Variants in GOLM1 observed in about 807,000 individuals in gnomAD.
The protein encoded by GOLM1 is epididymis luminal protein 46.
In GOLM1, 31 loss-of-function variants were observed where a neutral mutation model predicts 50.5. That is an observed-to-expected ratio of 0.61 (90% CI 0.46 to 0.83). GOLM1 has a LOEUF of 0.83. Among genes scored for constraint, GOLM1 ranks in the 40% least tolerant of loss-of-function variants. The pLI, the probability that GOLM1 is intolerant of heterozygous loss-of-function variation, is 0.00. For missense variants in GOLM1, 491 were observed against 501.3 expected (o/e 0.98, Z 0.20); for synonymous variants, 178 against 192.8 (o/e 0.92, Z 0.64).
At chr9:86,034,628 C>A (rs981617680) in intron 8 of GOLM1, among the ~76,000 whole-genome samples, 1 of 152,198 alleles carries the variant, frequency 6.6e-6, no homozygotes, top group Non-Finnish European at 1.5e-5. Flanking sequence ...TTAACTGGAA[C>A]TTGGAAGGAC....
rs375381791 is a variant in GOLM1, at chr9:86,056,504, ATTT to A, written c.310-3916_310-3914del. Among the ~76,000 whole-genome samples, 1,252 of 138,826 alleles carry A rather than the reference ATTT, an allele frequency of 9.0e-3. 21 individuals are homozygous for A. Among genetic ancestry groups the A allele is most frequent in the African/African-American group, 0.029 (1,106 of 37,646 alleles). The allele number at this position is 138,826 out of a possible 152,430, so 91.1% of individuals were successfully genotyped here. A position where few individuals can be genotyped will look rare whatever the true frequency, so the allele number is the denominator to read the frequency against. ...TGATTTTTATTTATTTTTTATTTAA[ATTT>A]TTTTTTTTTTTTTTTTTGAGACGAA... On this transcript the variant is annotated intron_variant, in intron 3 of 9. Transcript: ENST00000388712.
rs1184937091 is a variant in GOLM1 at position 86,042,958 on chromosome 9, C to G, written c.468-2090G>C. Among the ~76,000 whole-genome samples the G allele has an allele frequency of 3.3e-5, 5 of 152,178 alleles. No individual in the cohort carries two copies. The East Asian group carries it at 9.6e-4, about 29-fold the overall frequency. On this transcript the variant is annotated intron_variant, in intron 5 of 9. Transcript: ENST00000388712. The stretch of plus-strand genomic sequence containing the variant: ...CATGTAAGTGGCAAATATTCCAGCA[C>G]TAACTGGAGCTAAATTGGAGAGGAA...
At chr9:86,077,326 C>T (rs1317482102) in intron 3 of GOLM1, 86 bp downstream of exon 3, 2 of 1,084,590 alleles carry the variant, frequency 1.8e-6, no homozygotes, top group Admixed American at 3.6e-5. Flanking sequence ...AACCCAGCCG[C>T]TTGCTCATCC....
At chr9:86,042,758 C>A (rs1833400969) in intron 5 of GOLM1, among the ~76,000 whole-genome samples, 1 of 152,140 alleles carries the variant, frequency 6.6e-6, no homozygotes, top group African/African-American at 2.4e-5. Flanking sequence ...TGCTCCCAGC[C>A]CTGCTAAAAT....
upstream of GOLM1, chr9:86,099,670 TCCCGGCCCCACGGTGCGCGCGC>T (rs1046131739): frequency 6.6e-6 from 1 of 150,742 alleles, no homozygotes; most frequent in Non-Finnish European, 1.5e-5. Context: ...CCGCGCGGAC[TCCCGGCCCCACGGTGCGCGCGC>T]CCCGGCCGGT....
chr9:86,068,636 C>CAGAGT (rs1401680935), intron 3 of GOLM1, among the ~76,000 whole-genome samples: 3 of 152,226 alleles, frequency 2.0e-5, no homozygotes, highest in South Asian at 4.1e-4. Context: ...ACATGCAGTG[C>CAGAGT]AGAGTAGAGA....
chr9:86,052,898 G>A (rs986697282), intron 3 of GOLM1, among the ~76,000 whole-genome samples: 33 of 62,508 alleles, frequency 5.3e-4, no homozygotes, highest in South Asian at 1.3e-3. Context: ...CCTCCTGCCC[G>A]ACACAGCAGA....
intron 6 of GOLM1, among the ~76,000 whole-genome samples, chr9:86,039,989 G>T (rs1348308432): frequency 6.7e-6 from 1 of 150,262 alleles, no homozygotes; most frequent in Non-Finnish European, 1.5e-5. Flanking sequence ...AAAAAAGTCA[G>T]ACACAAAAGG....
chr9:86,061,041 T>C (rs1834148933), intron 3 of GOLM1, among the ~76,000 whole-genome samples: 1 of 152,026 alleles, frequency 6.6e-6, no homozygotes, highest in African/African-American at 2.4e-5. Flanking sequence ...CAATCCCACC[T>C]TTTCAGGACG....
chr9:86,038,482 C>G (rs1833225479), intron 6 of GOLM1, among the ~76,000 whole-genome samples: 1 of 152,168 alleles, frequency 6.6e-6, no homozygotes, highest in African/African-American at 2.4e-5. Context: ...CTCTAGACTT[C>G]CACGTGGGAG....
Position 86,035,464 on chromosome 9 carries a change from A to G in GOLM1, c.919T>C (p.Ser307Pro). Residue 307 changes from serine (S) to proline (P), a missense_variant, in exon 8 of 10, where the codon TCA (serine) becomes CCA (proline). Physicochemically the swap from Ser to Pro is moderately conservative, Grantham distance 74. Transcript: ENST00000388712. ...ATCTCTGGATTTTCCTGGCTCACTG[A>G]CAGGGCAGCCTGCACCTGTGGGGTC... is the stretch of plus-strand genomic sequence containing the variant. ...GQTPQVQAAL[S>P]VSQENPEMEG... 1 of 1,613,702 alleles carries G rather than the reference A, an allele frequency of 6.2e-7. No homozygotes were observed. Among genetic ancestry groups the G allele is most frequent in the Non-Finnish European group, 8.5e-7 (1 of 1,179,962 alleles).
chr9:86,097,083 T>C (rs1207811999), intron 1 of GOLM1, among the ~76,000 whole-genome samples: 1 of 144,518 alleles, frequency 6.9e-6, no homozygotes, highest in Non-Finnish European at 1.5e-5. Flanking sequence ...TTTTTTTTTT[T>C]CCTGAAAGTG....
chr9:86,054,267 C>A (rs1394799189), intron 3 of GOLM1, among the ~76,000 whole-genome samples: 6 of 140,184 alleles, frequency 4.3e-5, no homozygotes, highest in Non-Finnish European at 9.3e-5. Flanking sequence ...CACTCATTGA[C>A]TTTTTTTTTT....
At chr9:86,090,830 C>T (rs1217247530) in intron 1 of GOLM1, among the ~76,000 whole-genome samples, 4 of 148,106 alleles carry the variant, frequency 2.7e-5, no homozygotes, top group Admixed American at 6.8e-5. Context: ...GCAGCTAGCT[C>T]AGTGTCTGCC....
chr9:86,073,020 T>C (rs542940999), intron 3 of GOLM1, among the ~76,000 whole-genome samples: 5 of 152,330 alleles, frequency 3.3e-5, no homozygotes, highest in Admixed American at 6.5e-5. Flanking sequence ...AAACATCACA[T>C]GTGGCGCATG....
intron 1 of GOLM1, among the ~76,000 whole-genome samples, chr9:86,080,973 C>T (rs866726902): frequency 6.6e-6 from 1 of 152,108 alleles, no homozygotes; most frequent in African/African-American, 2.4e-5. Flanking sequence ...AAGCCTCAAA[C>T]TCTTGGGCTC....
At chr9:86,047,246 G>C (rs1476503843) in intron 4 of GOLM1, among the ~76,000 whole-genome samples, 1 of 152,170 alleles carries the variant, frequency 6.6e-6, no homozygotes, top group Non-Finnish European at 1.5e-5. Context: ...GGGGCAGAGG[G>C]GAAGGCAGCC....
chr9:86,048,414 G>T (rs1287490834), intron 4 of GOLM1, among the ~76,000 whole-genome samples: 1 of 152,110 alleles, frequency 6.6e-6, no homozygotes, highest in African/African-American at 2.4e-5. Context: ...GGGTCAAATG[G>T]TATTTCTAGT....
At chr9:86,063,900 A>G (rs1241634097) in intron 3 of GOLM1, among the ~76,000 whole-genome samples, 1 of 152,258 alleles carries the variant, frequency 6.6e-6, no homozygotes, top group African/African-American at 2.4e-5. Flanking sequence ...CATGAAATCC[A>G]TGCCTCGTCT....
Sources: allele counts gnomAD v4.1 joint callset (sites outside exome capture counted in the v4.1 genomes callset), GRCh38; gene constraint gnomAD v4.1.1; transcripts MANE v1.5; gene names NCBI Gene and HGNC (gene_info 2026-07-23, HGNC 2026-07-21).